Variants in TNFSF4 observed in about 807,000 individuals in gnomAD.
TNFSF4 encodes the protein tumor necrosis factor ligand superfamily member 4.
In TNFSF4, 4 loss-of-function variants were observed where a neutral mutation model predicts 7.3. The observed-to-expected ratio is 0.55, with a 90% CI of 0.27 to 1.25. TNFSF4 has a LOEUF of 1.25. Ranked by LOEUF, TNFSF4 falls within the 50% of genes most tolerant of loss-of-function variation. The pLI, the probability that TNFSF4 is intolerant of heterozygous loss-of-function variation, is 0.12. For synonymous variants in TNFSF4, 76 were observed against 83.7 expected (o/e 0.91, Z 0.50); for missense variants, 181 against 208.8 (o/e 0.87, Z 0.82).
the TNFSF4 span, among the ~76,000 whole-genome samples, chr1:173,404,376 G>T: frequency 1.6e-4 from 24 of 152,326 alleles, no homozygotes; most frequent in African/African-American, 5.8e-4. Flanking sequence ...CAGAGCAGCA[G>T]CCTACTGCAG....
the TNFSF4 span, among the ~76,000 whole-genome samples, chr1:173,268,528 C>T: frequency 1.5e-4 from 22 of 151,686 alleles, no homozygotes; most frequent in Admixed American, 1.3e-3. Context: ...GAAAACTACA[C>T]AAAGTGATAT....
At chr1:173,219,458 T>G in the TNFSF4 span, among the ~76,000 whole-genome samples, 12 of 152,300 alleles carry the variant, frequency 7.9e-5, no homozygotes, top group Non-Finnish European at 1.6e-4. Flanking sequence ...CTGGTGGGAA[T>G]GTAAACTAGT....
chr1:173,349,564 G>A, the TNFSF4 span, among the ~76,000 whole-genome samples: 1 of 152,154 alleles, frequency 6.6e-6, no homozygotes, highest in African/African-American at 2.4e-5. Context: ...GGCCTTCACT[G>A]ATTTCCCCAG....
the TNFSF4 span, among the ~76,000 whole-genome samples, chr1:173,345,766 G>C: frequency 1.3e-5 from 2 of 152,214 alleles, no homozygotes; most frequent in African/African-American, 2.4e-5. Flanking sequence ...GTTAAGGAGA[G>C]AGTCTCAGTC....
At chr1:173,298,120 G>A in the TNFSF4 span, among the ~76,000 whole-genome samples, 2 of 151,854 alleles carry the variant, frequency 1.3e-5, no homozygotes, top group East Asian at 1.9e-4. Context: ...AAGCAACCAC[G>A]ACCACAACAA....
chr1:173,353,441 G>C, the TNFSF4 span, among the ~76,000 whole-genome samples: 1 of 152,196 alleles, frequency 6.6e-6, no homozygotes, highest in Non-Finnish European at 1.5e-5. Flanking sequence ...ACATGTGCCT[G>C]TGTGTGTGCA....
At chr1:173,338,374 T>C in the TNFSF4 span, among the ~76,000 whole-genome samples, 10 of 152,204 alleles carry the variant, frequency 6.6e-5, no homozygotes, top group Non-Finnish European at 1.5e-4. Context: ...CAGCATTGTT[T>C]CTGATGAAAG....
the TNFSF4 span, among the ~76,000 whole-genome samples, chr1:173,380,658 C>T: frequency 1.3e-5 from 2 of 152,150 alleles, no homozygotes; most frequent in East Asian, 3.9e-4. Flanking sequence ...TCCTCATCCC[C>T]TCTTTCAATC....
the TNFSF4 span, among the ~76,000 whole-genome samples, chr1:173,429,073 G>C: frequency 3.3e-5 from 5 of 152,122 alleles, no homozygotes; most frequent in South Asian, 2.1e-4. Flanking sequence ...ATACAGGAGA[G>C]AGGATATGTG....
the TNFSF4 span, among the ~76,000 whole-genome samples, chr1:173,285,370 G>A: frequency 6.6e-6 from 1 of 152,148 alleles, no homozygotes; most frequent in Non-Finnish European, 1.5e-5. Context: ...TATTTCTGGT[G>A]AAGATGCTGT....
chr1:173,267,391 T>C, the TNFSF4 span, among the ~76,000 whole-genome samples: 3 of 152,182 alleles, frequency 2.0e-5, no homozygotes, highest in Non-Finnish European at 4.4e-5. Flanking sequence ...CCCTCAAATA[T>C]ATGCAGCACA....
At chr1:173,413,435 T>C in the TNFSF4 span, among the ~76,000 whole-genome samples, 1 of 152,206 alleles carries the variant, frequency 6.6e-6, no homozygotes, top group Non-Finnish European at 1.5e-5. Context: ...CTTATGAATC[T>C]TGACAGGAGG....
the TNFSF4 span, among the ~76,000 whole-genome samples, chr1:173,403,694 G>A: frequency 6.6e-6 from 1 of 152,192 alleles, no homozygotes; most frequent in African/African-American, 2.4e-5. Flanking sequence ...ACGAGGTCAG[G>A]AGTTCAAGAC....
At chr1:173,190,220 T>C (rs926771133) in intron 1 of TNFSF4, among the ~76,000 whole-genome samples, 1 of 152,098 alleles carries the variant, frequency 6.6e-6, no homozygotes, top group South Asian at 2.1e-4. Context: ...TAAAAGCCTA[T>C]TATGCCTGCC....
At chr1:173,368,917 T>C in the TNFSF4 span, among the ~76,000 whole-genome samples, 15,852 of 152,182 alleles carry the variant, frequency 0.1, 1,325 homozygotes, top group South Asian at 0.24. Context: ...CCTATAAGAA[T>C]GATTTCTAGT....
chr1:173,371,261 A>G, the TNFSF4 span, among the ~76,000 whole-genome samples: 1 of 152,054 alleles, frequency 6.6e-6, no homozygotes, highest in African/African-American at 2.4e-5. Flanking sequence ...TATTTCTCCC[A>G]CCTCCTCAGT....
chr1:173,188,291 A>AT (rs1259018766), intron 2 of TNFSF4, among the ~76,000 whole-genome samples: 1 of 152,262 alleles, frequency 6.6e-6, no homozygotes, highest in Middle Eastern at 3.2e-3. Flanking sequence ...ACATAAAGTG[A>AT]TTAGTACAGA....
the TNFSF4 span, among the ~76,000 whole-genome samples, chr1:173,382,229 C>T: frequency 6.6e-6 from 1 of 152,132 alleles, no homozygotes; most frequent in South Asian, 2.1e-4. Context: ...AGACGCACCA[C>T]CTTTAAGAGC....
the TNFSF4 span, among the ~76,000 whole-genome samples, chr1:173,378,103 C>T: frequency 3.3e-5 from 5 of 152,168 alleles, no homozygotes; most frequent in East Asian, 1.9e-4. Context: ...TCAGTAAGGG[C>T]GACTAAATCC....
Sources: gnomAD v4.1 joint callset for allele counts (sites outside exome capture counted in the v4.1 genomes callset) on GRCh38, gnomAD v4.1.1 for gene constraint, MANE v1.5 for transcripts, NCBI Gene and HGNC (gene_info 2026-07-23, HGNC 2026-07-21) for gene names.